Variants in SEZ6L observed in about 807,000 individuals in gnomAD.
SEZ6L encodes seizure related 6 homolog like.
A neutral mutation model predicts 106.2 loss-of-function variants in SEZ6L; 37 were observed. That is an observed-to-expected ratio of 0.35 (90% CI 0.27 to 0.46). SEZ6L has a LOEUF of 0.46. SEZ6L is among the 20% of genes least tolerant of loss of function. SEZ6L has a pLI of 1.00. For synonymous variants in SEZ6L, 541 were observed against 570.4 expected (o/e 0.95, Z 0.73); for missense variants, 1,172 against 1,332.8 (o/e 0.88, Z 1.88).
chr22:26,329,252 G>A (rs2082409210), intron 9 of SEZ6L, among the ~76,000 whole-genome samples: 1 of 152,154 alleles, frequency 6.6e-6, no homozygotes, highest in Non-Finnish European at 1.5e-5. Context: ...TGGATCATCT[G>A]AGGTCAAGAG....
intron 1 of SEZ6L, among the ~76,000 whole-genome samples, chr22:26,282,982 G>T (rs1028372741): frequency 2.0e-5 from 3 of 151,968 alleles, no homozygotes; most frequent in Non-Finnish European, 4.4e-5. Flanking sequence ...GTACAGTGGC[G>T]CGATTTTGGC....
At chr22:26,258,560 C>T (rs2145812043) in intron 1 of SEZ6L, among the ~76,000 whole-genome samples, 1 of 152,330 alleles carries the variant, frequency 6.6e-6, no homozygotes, top group East Asian at 1.9e-4. Context: ...TGAATTATCT[C>T]ATTCACCTAC....
At chr22:26,352,944 T>C (rs582028) in intron 12 of SEZ6L, among the ~76,000 whole-genome samples, 113,630 of 152,144 alleles carry the variant, frequency 0.75, 42,749 homozygotes, top group African/African-American at 0.83. Context: ...ACTCTACAGA[T>C]CCCAAAAGAA....
intron 13 of SEZ6L, among the ~76,000 whole-genome samples, chr22:26,372,062 T>C (rs1474102892): frequency 6.6e-6 from 1 of 152,138 alleles, no homozygotes; most frequent in Non-Finnish European, 1.5e-5. Flanking sequence ...TGACCTTGAG[T>C]GAGCCCCCCT....
At chr22:26,236,909 C>G (rs1650421340) in intron 1 of SEZ6L, among the ~76,000 whole-genome samples, 1 of 152,180 alleles carries the variant, frequency 6.6e-6, no homozygotes, top group South Asian at 2.1e-4. Context: ...CCCCCTAACA[C>G]ACCAGCCTTA....
chr22:26,294,378 T>G lies in SEZ6L; in HGVS notation c.922T>G (p.Cys308Gly). Reference sequence around the variant, plus strand: ...GCTGCCCCTCAACAACTTTCTGGAGTGCACATACAACGTGACAGTCTACAC... The same window carrying G: ...GCTGCCCCTCAACAACTTTCTGGAGGGCACATACAACGTGACAGTCTACAC... ...PLLPLNNFLE[C>G]TYNVTVYTGY... The change falls in exon 3 of 17, where the codon TGC (cysteine) becomes GGC (glycine). Residue 308 changes from cysteine to glycine, a missense_variant. Cys to Gly is a radical substitution (Grantham distance 159). Transcript: ENST00000248933. 1 of 1,613,930 alleles carries G rather than the reference T, an allele frequency of 6.2e-7. No homozygotes were observed. The highest frequency in any genetic ancestry group is 1.7e-5 in the Admixed American group (1 of 59,996).
intron 11 of SEZ6L, among the ~76,000 whole-genome samples, chr22:26,348,610 GAAAA>G (rs1203921988): frequency 8.4e-5 from 2 of 23,786 alleles, no homozygotes; most frequent in African/African-American, 3.8e-4. Context: ...GAAAGAAAGA[GAAAA>G]AGAAAGAAAG....
In SEZ6L at chr22:26,312,731, C is replaced by T. The variant is rs527626817; in HGVS notation, c.1876+769C>T. Among the ~76,000 whole-genome samples the T allele has an allele frequency of 8.0e-4, 122 of 152,290 alleles. 1 individual carries two copies. The highest frequency in any genetic ancestry group is 3.4e-3 in the Middle Eastern group (1 of 294). On this transcript the variant is annotated intron_variant, in intron 8 of 16. Coordinates refer to ENST00000248933, the MANE Select transcript of SEZ6L (RefSeq NM_021115.5). ...GACTACAGGCGTGTGCCACCACAGC[C>T]GGCTAATTTTGTATTTTTAGTAGAA...
At chr22:26,271,363 G>T (rs920010434) in intron 1 of SEZ6L, among the ~76,000 whole-genome samples, 3 of 152,126 alleles carry the variant, frequency 2.0e-5, no homozygotes, top group African/African-American at 7.2e-5. Context: ...GCATTCTGTT[G>T]GGAATATTCC....
At chr22:26,358,504 T>C (rs2146039938) in intron 12 of SEZ6L, among the ~76,000 whole-genome samples, 1 of 152,364 alleles carries the variant, frequency 6.6e-6, no homozygotes, top group African/African-American at 2.4e-5. Context: ...AAACCATTTG[T>C]AACTATTACT....
rs568716475 is a variant in SEZ6L, at chr22:26,378,663, G to C, written c.3045+888G>C. 2.0e-5 allele frequency among the ~76,000 whole-genome samples: 3 copies of C among 152,286 alleles called. No homozygotes were observed. The East Asian group carries it at 5.8e-4, about 29-fold the overall frequency. On this transcript the variant is annotated intron_variant, in intron 16 of 16. Transcript: ENST00000248933. ...AGACATGGGAAGTGGGTAGAGCTTG[G>C]ACAATGGGCTGAAGAAGATGCCAGA...
intron 1 of SEZ6L, among the ~76,000 whole-genome samples, chr22:26,192,901 C>G (rs1349606136): frequency 6.6e-6 from 1 of 152,168 alleles, no homozygotes; most frequent in Non-Finnish European, 1.5e-5. Context: ...AACTGCTTCA[C>G]GTTTGCCCTC....
intron 9 of SEZ6L, among the ~76,000 whole-genome samples, chr22:26,334,296 CT>C (rs1403729124): frequency 2.0e-5 from 3 of 152,150 alleles, no homozygotes; most frequent in Non-Finnish European, 2.9e-5. Flanking sequence ...TCCTCACCCC[CT>C]AACCCTTGAT....
At chr22:26,250,066 A>T (rs1171095905) in intron 1 of SEZ6L, among the ~76,000 whole-genome samples, 2 of 152,202 alleles carry the variant, frequency 1.3e-5, no homozygotes, top group Non-Finnish European at 2.9e-5. Context: ...TTGCATATTA[A>T]TCCCTTGTTG....
intron 4 of SEZ6L, 131 bp from the exon 5 acceptor site, chr22:26,298,853 T>C (rs1032064151): frequency 4.3e-6 from 3 of 701,918 alleles, no homozygotes; most frequent in African/African-American, 1.9e-5. Flanking sequence ...AAAATACCAT[T>C]CTCCAGAGCT....
intron 1 of SEZ6L, among the ~76,000 whole-genome samples, chr22:26,275,641 C>T (rs947208506): frequency 1.3e-5 from 2 of 152,204 alleles, no homozygotes; most frequent in African/African-American, 4.8e-5. Context: ...TGTCATACCA[C>T]AGGCCTCAGT....
chr22:26,194,287 G>T (rs1031064866), intron 1 of SEZ6L, among the ~76,000 whole-genome samples: 6 of 152,164 alleles, frequency 3.9e-5, no homozygotes, highest in African/African-American at 1.2e-4. Flanking sequence ...ACATTCTGTT[G>T]TTCTTTTTGG....
intron 6 of SEZ6L, among the ~76,000 whole-genome samples, chr22:26,306,351 T>A (rs1429461564): frequency 1.3e-5 from 2 of 152,110 alleles, no homozygotes; most frequent in Admixed American, 6.5e-5. Context: ...CAGAAGGAAA[T>A]GGACCTGCCC....
rs144401110 is a variant in SEZ6L at position 26,170,678 on chromosome 22, A to T, written c.94+915A>T. Among the ~76,000 whole-genome samples the T allele has an allele frequency of 3.9e-3, 593 of 152,268 alleles. 20 individuals carry two copies. The highest frequency in any genetic ancestry group is 0.035 in the Admixed American group (528 of 15,300). ...GAGGGGTGCAACGCCTAACTCACCC[A>T]AAGCTAACCCTCAGAGCTTCGGGGG... On this transcript the variant is annotated intron_variant, in intron 1 of 16. Coordinates refer to ENST00000248933, the MANE Select transcript of SEZ6L (RefSeq NM_021115.5).
Sources: allele counts gnomAD v4.1 joint callset (sites outside exome capture counted in the v4.1 genomes callset), GRCh38; gene constraint gnomAD v4.1.1; transcripts MANE v1.5; gene names NCBI Gene and HGNC (gene_info 2026-07-23, HGNC 2026-07-21).